ITGA9: variants seen among roughly 807,000 people sequenced by gnomAD.
ITGA9 encodes integrin alpha-9.
ITGA9 carries 56 observed loss-of-function variants against 127.8 expected under a neutral mutation model. That is an observed-to-expected ratio of 0.44 (90% confidence interval 0.35 to 0.55). ITGA9 has a LOEUF of 0.55. Ranked by LOEUF, ITGA9 falls within the 20% of genes least tolerant of loss-of-function variation. The pLI is 0.00. For missense variants in ITGA9, 1,196 were observed against 1,347.1 expected (o/e 0.89, Z 1.76); for synonymous variants, 508 against 514.5 (o/e 0.99, Z 0.17).
chr3:37,778,872 G>GTT (rs10583231), intron 24 of ITGA9, among the ~76,000 whole-genome samples: 10 of 106,222 alleles, frequency 9.4e-5, no homozygotes, highest in East Asian at 2.8e-4. Flanking sequence ...GAAAGGTTGG[G>GTT]TTTTTTTTTT....
At chr3:37,607,922 G>T (rs953292600) in intron 15 of ITGA9, among the ~76,000 whole-genome samples, 6 of 152,156 alleles carry the variant, frequency 3.9e-5, no homozygotes, top group Admixed American at 2.6e-4. Context: ...TTTAATTTGG[G>T]GGTAACTCCG....
chr3:37,573,970 A>G (rs1383058918), intron 15 of ITGA9, among the ~76,000 whole-genome samples: 3 of 152,184 alleles, frequency 2.0e-5, no homozygotes, highest in Admixed American at 1.3e-4. Context: ...CTAGGACTCC[A>G]TATTATATTC....
intron 24 of ITGA9, 119 bp downstream of exon 24, chr3:37,777,636 C>T: frequency 2.6e-6 from 3 of 1,163,086 alleles, no homozygotes; most frequent in Non-Finnish European, 3.8e-6. Context: ...CTTACAAAGG[C>T]ACAGACTGTG....
intron 15 of ITGA9, among the ~76,000 whole-genome samples, chr3:37,587,454 T>G (rs1327016097): frequency 2.6e-5 from 4 of 152,170 alleles, no homozygotes; most frequent in Non-Finnish European, 5.9e-5. Flanking sequence ...GTTGAATCAA[T>G]TGTTATCAGA....
chr3:37,810,006 C>A (rs1697347308), intron 27 of ITGA9, among the ~76,000 whole-genome samples: 1 of 152,246 alleles, frequency 6.6e-6, no homozygotes, highest in African/African-American at 2.4e-5. Context: ...TGTTACCCAG[C>A]TGCCACTGCT....
At chr3:37,575,226 T>C (rs1301612513) in intron 15 of ITGA9, among the ~76,000 whole-genome samples, 1 of 152,138 alleles carries the variant, frequency 6.6e-6, no homozygotes, top group Non-Finnish European at 1.5e-5. Flanking sequence ...TTGTCCTGTT[T>C]GCTGGTTTGG....
intron 18 of ITGA9, among the ~76,000 whole-genome samples, chr3:37,712,214 T>A (rs1701086999): frequency 6.6e-6 from 1 of 152,242 alleles, no homozygotes; most frequent in Admixed American, 6.5e-5. Context: ...CTCCCCCAGA[T>A]GTGGGACACT....
chr3:37,457,382 A>G (rs562869418), intron 1 of ITGA9, among the ~76,000 whole-genome samples: 56 of 152,272 alleles, frequency 3.7e-4, no homozygotes, highest in African/African-American at 1.3e-3. Context: ...AGAGGGGCAG[A>G]AGAGAAACTC....
Position 37,657,919 on chromosome 3 carries a change from C to T in ITGA9, c.1916+4129C>T, listed in dbSNP as rs1191840833. ...CTTTGTTCTCATTGGTTTCAAAGAA[C>T]TTATTTATTTCTGCCTTAATTTCAT... On this transcript the variant is annotated intron_variant, in intron 17 of 27. Transcript: ENST00000264741. Among the ~76,000 whole-genome samples the T allele has an allele frequency of 2.0e-5, 3 of 152,262 alleles. No individual in the cohort carries two copies. In the East Asian group the frequency reaches 5.8e-4, roughly 29 times the overall value.
chr3:37,576,070 A>G (rs769572858), intron 15 of ITGA9, among the ~76,000 whole-genome samples: 1 of 152,200 alleles, frequency 6.6e-6, no homozygotes, highest in Non-Finnish European at 1.5e-5. Flanking sequence ...GCCTGGAGCC[A>G]GTGGAGCTTC....
intron 21 of ITGA9, among the ~76,000 whole-genome samples, chr3:37,742,893 A>T (rs1696455772): frequency 6.6e-6 from 1 of 152,214 alleles, no homozygotes; most frequent in South Asian, 2.1e-4. Context: ...GCCTCTGTTC[A>T]CAGCTCTATT....
Position 37,508,585 on chromosome 3 carries a change from A to G in ITGA9, c.855A>G (p.Arg285=), listed in dbSNP as rs746664917. The G allele has an allele frequency of 6.2e-7, 1 of 1,613,736 alleles. No homozygotes were observed. The highest frequency in any genetic ancestry group is 1.1e-5 in the South Asian group (1 of 91,072). ...TTTATATTTTCAGAGCTGACCGAAG[A>G]TCAGGCACCTTAATTAAGATCTTTC... The part of the protein sequence containing the change: ...GKVYIFRADR[R]SGTLIKIFQA... Residue 285 remains arginine, a synonymous_variant, in exon 8 of 28, where the codon AGA becomes AGG. Coordinates refer to ENST00000264741, the MANE Select transcript of ITGA9 (RefSeq NM_002207.3).
chr3:37,508,492 G>A (rs17228684), intron 7 of ITGA9, 67 bp from the exon 8 acceptor site: 78,205 of 1,301,338 alleles, frequency 0.06, 2,588 homozygotes, highest in East Asian at 0.091. Context: ...ACTCCCAGGA[G>A]AGTGCTGATA....
intron 26 of ITGA9, among the ~76,000 whole-genome samples, chr3:37,795,090 C>T (rs998935804): frequency 6.6e-5 from 10 of 152,210 alleles, no homozygotes; most frequent in Non-Finnish European, 1.2e-4. Flanking sequence ...ATGTTATTCT[C>T]TTTCCACTTC....
chr3:37,699,560 A>G (rs367574958), intron 18 of ITGA9, among the ~76,000 whole-genome samples: 29 of 152,318 alleles, frequency 1.9e-4, no homozygotes, highest in African/African-American at 6.7e-4. Context: ...TTGATTGGCA[A>G]TAGCCTTCTT....
At chr3:37,706,401 C>T (rs73827060) in intron 18 of ITGA9, among the ~76,000 whole-genome samples, 5,179 of 152,204 alleles carry the variant, frequency 0.034, 213 homozygotes, top group South Asian at 0.13. Flanking sequence ...TCAGTTGCAA[C>T]GCCTGAAACC....
At chr3:37,771,687 C>T (rs1696845525) in intron 23 of ITGA9, among the ~76,000 whole-genome samples, 1 of 152,192 alleles carries the variant, frequency 6.6e-6, no homozygotes, top group South Asian at 2.1e-4. Context: ...CTCGCAGCTG[C>T]CTTCCAGAAA....
Position 37,653,736 on chromosome 3 carries a change from G to C in ITGA9, c.1862G>C (p.Arg621Pro), listed in dbSNP as rs779583800. The change falls in exon 17 of 28, where the codon CGT becomes CCT. Residue 621 changes from arginine to proline, a missense_variant. By Grantham distance (103) the Arg-to-Pro change is moderately radical. Transcript: ENST00000264741. ...CAGACTGTTTTTGAAAGGAATTGCC[G>C]TTCAGAGGACTGTGCCGCAGACCTG... ...KNQTVFERNCRSEDCAADLQL... is the reference protein window; with the variant it reads ...KNQTVFERNCPSEDCAADLQL... 2.7e-5 allele frequency: 43 copies of C among 1,613,594 alleles called. No individual in the cohort carries two copies. The highest frequency in any genetic ancestry group is 1.5e-4 in the South Asian group (14 of 91,082).
intron 23 of ITGA9, among the ~76,000 whole-genome samples, chr3:37,774,115 G>A (rs1296771280): frequency 2.0e-4 from 30 of 152,158 alleles, no homozygotes; most frequent in Non-Finnish European, 1.3e-4. Context: ...ACACACCAAC[G>A]CCCACTTGCG....
Sources: gnomAD v4.1 joint callset for allele counts (sites outside exome capture counted in the v4.1 genomes callset) on GRCh38, gnomAD v4.1.1 for gene constraint, MANE v1.5 for transcripts, NCBI Gene and HGNC (gene_info 2026-07-23, HGNC 2026-07-21) for gene names.